MTSS1: variants seen among roughly 807,000 people sequenced by gnomAD.
MTSS1 encodes protein MTSS 1.
MTSS1 carries 18 observed loss-of-function variants against 79.0 expected under a neutral mutation model. The observed-to-expected ratio is 0.23, with a 90% CI of 0.16 to 0.34. The LOEUF (loss-of-function observed/expected upper bound fraction) is 0.34. Ranked by LOEUF, MTSS1 falls within the 10% of genes least tolerant of loss-of-function variation. The probability of loss-of-function intolerance (pLI) is 1.00; values close to 1 mark genes in which losing one functional copy is unlikely to be tolerated. For synonymous variants in MTSS1, 341 were observed against 368.6 expected, an observed-to-expected ratio of 0.93 and a Z score of 0.86; for missense variants, 815 against 986.2, an observed-to-expected ratio of 0.83 and a Z score of 2.33.
chr8:124,629,083 A>ACATT (rs1030815495), intron 3 of MTSS1, among the ~76,000 whole-genome samples: 2 of 152,208 alleles, frequency 1.3e-5, no homozygotes, highest in Non-Finnish European at 2.9e-5. Context: ...CTCTGTGTAC[A>ACATT]CATTCATTCA....
In MTSS1 at chr8:124,727,859, C is replaced by T. The variant is rs748438604; in HGVS notation, c.72+25G>A. The T allele has an allele frequency of 2.6e-6, 4 of 1,565,644 alleles. No homozygotes were observed. In the East Asian group the frequency reaches 7.5e-5, roughly 29 times the overall value. On this transcript the variant is annotated intron_variant, in intron 1 of 13. Coordinates refer to ENST00000518547, the MANE Select transcript of MTSS1 (RefSeq NM_014751.6). This position sits in a 1 kb window ranked among gnomAD's most constrained non-coding sequence, Gnocchi z 4.7. Reference sequence around the variant, plus strand: ...GAGGTCAGAGCGCGGCGGCCGGCGCCGCAGCCGCACCCCCGGCGTCCTACC... The same window carrying T: ...GAGGTCAGAGCGCGGCGGCCGGCGCTGCAGCCGCACCCCCGGCGTCCTACC...
At position 124,694,800 on chromosome 8, in the gene MTSS1, C is replaced by T. The variant is rs115594451; in HGVS notation, c.208+4726G>A. ...GCAGAGACCCTGCTCCACAAAGCCT[C>T]GGGTTCCAAGTCTACCAGATACCTA... On this transcript the variant is annotated intron_variant, in intron 3 of 13. Transcript: ENST00000518547. Among the ~76,000 whole-genome samples the T allele has an allele frequency of 8.6e-3, 1,308 of 152,228 alleles. 18 individuals carry two copies. Among genetic ancestry groups the T allele is most frequent in the African/African-American group, 0.03 (1,227 of 41,510 alleles).
chr8:124,669,299 G>A lies in MTSS1; in HGVS notation c.208+30227C>T, dbSNP rs568518063. ...CTGAGAAACTGTGTAGGTGTCCACC[G>A]TCTCGCTCCGCTGAGATAGTGTGAC... is the stretch of plus-strand genomic sequence containing the variant. On this transcript the variant is annotated intron_variant, in intron 3 of 13. Transcript: ENST00000518547. Among the ~76,000 whole-genome samples the A allele has an allele frequency of 1.9e-4, 29 of 152,328 alleles. No homozygotes were observed. In the South Asian group the frequency reaches 4.1e-3, roughly 22 times the overall value.
chr8:124,707,250 C>A (rs917603453), intron 1 of MTSS1, among the ~76,000 whole-genome samples: 1 of 151,882 alleles, frequency 6.6e-6, no homozygotes, highest in Non-Finnish European at 1.5e-5. Flanking sequence ...CAAAGTATTT[C>A]TTAAGAAAAA....
chr8:124,562,686 G>C, intron 10 of MTSS1, 96 bp downstream of exon 10: 1 of 1,207,968 alleles, frequency 8.3e-7, no homozygotes, highest in Non-Finnish European at 1.2e-6. Flanking sequence ...GTGGGCAGGG[G>C]ATTGTCTAAG....
At chr8:124,644,592 C>T (rs1338078551) in intron 3 of MTSS1, among the ~76,000 whole-genome samples, 3 of 152,196 alleles carry the variant, frequency 2.0e-5, no homozygotes, top group African/African-American at 4.8e-5. Context: ...TCCAATTTTG[C>T]TAAATAGTAC....
chr8:124,585,320 A>G (rs1830671621), intron 5 of MTSS1, among the ~76,000 whole-genome samples, 159 bp from the exon 6 acceptor site: 1 of 152,208 alleles, frequency 6.6e-6, no homozygotes, highest in Admixed American at 6.5e-5. Context: ...GATGACATTT[A>G]CAACAAAGGG....
chr8:124,682,145 A>C (rs1351972805), intron 3 of MTSS1, among the ~76,000 whole-genome samples: 2 of 152,202 alleles, frequency 1.3e-5, no homozygotes, highest in Non-Finnish European at 2.9e-5. Context: ...CACTTTCTTA[A>C]CTCTAACAAC....
intron 3 of MTSS1, among the ~76,000 whole-genome samples, chr8:124,661,324 T>G (rs958386440): frequency 6.9e-6 from 1 of 145,516 alleles, no homozygotes; most frequent in African/African-American, 2.5e-5. Context: ...TTCTTCTAGG[T>G]TTTTTTTTTT....
At chr8:124,645,225 G>A (rs12334947) in intron 3 of MTSS1, among the ~76,000 whole-genome samples, 3,011 of 151,970 alleles carry the variant, frequency 0.02, 101 homozygotes, top group African/African-American at 0.068. Flanking sequence ...AAACAAAAAC[G>A]AAAAAACGAA....
intron 10 of MTSS1, chr8:124,558,838 G>T: frequency 6.4e-7 from 1 of 1,552,822 alleles, no homozygotes; most frequent in Non-Finnish European, 8.6e-7. Context: ...GAGTTCTGCA[G>T]CAGGGGAGGG....
intron 3 of MTSS1, among the ~76,000 whole-genome samples, chr8:124,660,428 GCATGCA>G (rs1398125157): frequency 2.6e-4 from 30 of 115,510 alleles, no homozygotes; most frequent in South Asian, 2.1e-3. Context: ...TTGCCCATGC[GCATGCA>G]CACACACACA....
intron 3 of MTSS1, among the ~76,000 whole-genome samples, chr8:124,685,514 G>C (rs1483592515): frequency 6.6e-6 from 1 of 152,180 alleles, no homozygotes; most frequent in Non-Finnish European, 1.5e-5. Flanking sequence ...AAGGAGGAAA[G>C]GCGTCCTGGA....
At chr8:124,639,842 A>G (rs934572698) in intron 3 of MTSS1, among the ~76,000 whole-genome samples, 1 of 152,228 alleles carries the variant, frequency 6.6e-6, no homozygotes, top group Non-Finnish European at 1.5e-5. Context: ...CTTTCGTTCA[A>G]TTTCTTGCCC....
chr8:124,685,655 A>G (rs1383915031), intron 3 of MTSS1, among the ~76,000 whole-genome samples: 2 of 151,850 alleles, frequency 1.3e-5, no homozygotes, highest in East Asian at 3.9e-4. Flanking sequence ...TGTACTGGGG[A>G]GACAGCCAAA....
intron 3 of MTSS1, among the ~76,000 whole-genome samples, chr8:124,695,901 A>G (rs1181646091): frequency 1.4e-5 from 2 of 147,554 alleles, no homozygotes; most frequent in Non-Finnish European, 3.0e-5. Flanking sequence ...GTTTGTTTAT[A>G]TATGCAAAAA....
chr8:124,680,317 G>C (rs182813675), intron 3 of MTSS1, among the ~76,000 whole-genome samples: 1 of 152,352 alleles, frequency 6.6e-6, no homozygotes, highest in Non-Finnish European at 1.5e-5. Context: ...CAAACAGCCT[G>C]GGTAGGGAAG....
intron 11 of MTSS1, among the ~76,000 whole-genome samples, chr8:124,557,073 A>G (rs890013477): frequency 6.6e-6 from 1 of 152,228 alleles, no homozygotes; most frequent in Non-Finnish European, 1.5e-5. Flanking sequence ...CTGGAGGAGC[A>G]TTGATCGGAC....
At chr8:124,592,488 G>C (rs1041299846) in intron 3 of MTSS1, among the ~76,000 whole-genome samples, 2 of 152,142 alleles carry the variant, frequency 1.3e-5, no homozygotes, top group East Asian at 3.9e-4. Flanking sequence ...ATTGGTAGAA[G>C]AACATTCCCT....
Sources: gnomAD v4.1 joint callset for allele counts (sites outside exome capture counted in the v4.1 genomes callset) on GRCh38, gnomAD v4.1.1 for gene constraint, Gnocchi (gnomAD v3.1) non-coding constraint, MANE v1.5 for transcripts, NCBI Gene and HGNC (gene_info 2026-07-23, HGNC 2026-07-21) for gene names.